Variants in MYCBP2 observed in about 807,000 individuals in gnomAD.
MYCBP2 encodes MYC binding protein 2.
In MYCBP2, 120 loss-of-function variants were observed where a neutral mutation model predicts 525.3. The observed-to-expected ratio is 0.23, with a 90% CI of 0.20 to 0.27. The LOEUF (loss-of-function observed/expected upper bound fraction) is 0.27. MYCBP2 is among the 10% of genes least tolerant of loss of function. MYCBP2 has a pLI of 1.00. For synonymous variants in MYCBP2, 1,894 were observed against 1,955.8 expected, an observed-to-expected ratio of 0.97 and a Z score of 0.83; for missense variants, 4,149 against 5,657.1, an observed-to-expected ratio of 0.73 and a Z score of 8.55.
chr13:77,179,136 C>T (rs1009250389), intron 34 of MYCBP2, among the ~76,000 whole-genome samples: 2 of 152,040 alleles, frequency 1.3e-5, no homozygotes, highest in Non-Finnish European at 2.9e-5. Flanking sequence ...TAAACTGTCA[C>T]AATTAATCAA....
chr13:77,083,322 A>C (rs2043625843), intron 62 of MYCBP2, 130 bp from the exon 63 acceptor site: 1 of 754,072 alleles, frequency 1.3e-6, no homozygotes, highest in Admixed American at 3.0e-5. Context: ...AATTGTACCC[A>C]GAAAGATACA....
Position 77,064,743 on chromosome 13 carries a change from C to T in MYCBP2, c.12553-9G>A. 6.2e-7 allele frequency: 1 copy of T among 1,612,722 alleles called. No homozygotes were observed. Among genetic ancestry groups the T allele is most frequent in the African/African-American group, 1.3e-5 (1 of 74,936 alleles). ...GCTTCTGACAGATGACCCTATTGAG[C>T]AGAACAGAGTATTTTAATAAGTGAC... On this transcript the variant is annotated splice_polypyrimidine_tract_variant and intron_variant, in intron 72 of 82. Transcript: ENST00000544440.
At position 77,260,577 on chromosome 13, in the gene MYCBP2, T is replaced by A. The variant is rs756777447; in HGVS notation, c.1868A>T (p.Gln623Leu). The part of the protein sequence containing the change: ...EDGESTKSRR[Q>L]SKPYKPKKII... ...CTTTTTAGGTTTATAAGGTTTGGAT[T>A]GCCGTCTGCTCTTAGCTTTAAAAAA... Residue 623 changes from glutamine (Q) to leucine (L), a missense_variant, in exon 13 of 83, where the codon CAA becomes CTA. Physicochemically the swap from Gln to Leu is moderately radical, Grantham distance 113. Around this residue, in one of 21 missense-constraint regions of MYCBP2, gnomAD observed 262 missense variants for 419.3 expected, o/e 0.62. Transcript: ENST00000544440. The A allele has an allele frequency of 2.5e-6, 4 of 1,605,758 alleles. No individual in the cohort carries two copies. Among genetic ancestry groups the A allele is most frequent in the Non-Finnish European group, 3.4e-6 (4 of 1,177,520 alleles).
intron 1 of MYCBP2, among the ~76,000 whole-genome samples, chr13:77,316,949 G>T (rs1354291007): frequency 9.1e-6 from 1 of 109,532 alleles, no homozygotes; most frequent in Non-Finnish European, 2.5e-5. Context: ...TTCTTTTTTT[G>T]TTGTTTTTTT....
At chr13:77,208,353 T>C (rs2063590067) in intron 23 of MYCBP2, among the ~76,000 whole-genome samples, 1 of 152,224 alleles carries the variant, frequency 6.6e-6, no homozygotes, top group Admixed American at 6.5e-5. Context: ...AATTCTACAT[T>C]TTAAAAGCTA....
chr13:77,108,430 A>G (rs1355476030), intron 55 of MYCBP2, among the ~76,000 whole-genome samples: 5 of 152,192 alleles, frequency 3.3e-5, no homozygotes, highest in African/African-American at 1.2e-4. Context: ...TATAAGAGAC[A>G]GGTATTGCTT....
intron 65 of MYCBP2, among the ~76,000 whole-genome samples, chr13:77,080,282 C>G (rs957030564): frequency 6.6e-6 from 1 of 152,146 alleles, no homozygotes; most frequent in African/African-American, 2.4e-5. Context: ...TCCAGGTTAT[C>G]TGAGACCCAA....
At chr13:77,121,269 T>G in intron 55 of MYCBP2, 104 bp downstream of exon 55, 1 of 1,068,494 alleles carries the variant, frequency 9.4e-7, no homozygotes, top group Non-Finnish European at 1.2e-6. Context: ...AAATTTTAAT[T>G]TAATAAAGAT....
intron 41 of MYCBP2, among the ~76,000 whole-genome samples, chr13:77,166,074 C>T (rs1373173957): frequency 2.0e-5 from 3 of 152,134 alleles, no homozygotes; most frequent in South Asian, 2.1e-4. Flanking sequence ...TACTCCTCAA[C>T]GTTAACACTC....
chr13:77,066,754 G>C (rs917505552), intron 71 of MYCBP2, among the ~76,000 whole-genome samples: 1 of 152,182 alleles, frequency 6.6e-6, no homozygotes, highest in Non-Finnish European at 1.5e-5. Context: ...TCATAATGTT[G>C]CCAAAGCATC....
intron 44 of MYCBP2, among the ~76,000 whole-genome samples, chr13:77,159,245 T>C (rs1012466493): frequency 2.0e-5 from 3 of 152,216 alleles, no homozygotes; most frequent in Middle Eastern, 3.2e-3. Flanking sequence ...TAATCTCTCT[T>C]ACACAGTTAA....
intron 80 of MYCBP2, among the ~76,000 whole-genome samples, chr13:77,054,881 G>A (rs943585596): frequency 6.6e-6 from 1 of 152,162 alleles, no homozygotes; most frequent in African/African-American, 2.4e-5. Flanking sequence ...GATTACAGGT[G>A]TGAGCCACTG....
intron 43 of MYCBP2, among the ~76,000 whole-genome samples, chr13:77,162,679 T>C (rs546530492): frequency 1.3e-5 from 2 of 152,252 alleles, no homozygotes; most frequent in African/African-American, 4.8e-5. Context: ...TCTTTTGAGA[T>C]GGAGTCTCAC....
chr13:77,139,439 A>T, intron 51 of MYCBP2, 103 bp from the exon 52 acceptor site: 1 of 1,264,282 alleles, frequency 7.9e-7, no homozygotes, highest in Non-Finnish European at 1.1e-6. Context: ...GTGCATGTGC[A>T]GATTAAGCAT....
intron 26 of MYCBP2, among the ~76,000 whole-genome samples, chr13:77,202,698 G>GA (rs1447108922): frequency 3.3e-5 from 5 of 152,002 alleles, no homozygotes; most frequent in Non-Finnish European, 7.4e-5. Context: ...TATCCACCAT[G>GA]ATCAAGTGGG....
chr13:77,143,751 G>T (rs1192579619), intron 49 of MYCBP2, among the ~76,000 whole-genome samples: 1 of 152,132 alleles, frequency 6.6e-6, no homozygotes, highest in Non-Finnish European at 1.5e-5. Flanking sequence ...AGCAAACCTA[G>T]ATGGTACAGA....
intron 69 of MYCBP2, among the ~76,000 whole-genome samples, chr13:77,069,896 T>G (rs1196228185): frequency 6.6e-6 from 1 of 151,922 alleles, no homozygotes; most frequent in Non-Finnish European, 1.5e-5. Flanking sequence ...AATAATAGGT[T>G]AATTTAAAAT....
Position 77,081,757 on chromosome 13 carries a change from G to C in MYCBP2, c.11193+80C>G. 1 of 1,536,190 alleles carries C rather than the reference G, an allele frequency of 6.5e-7. No individual in the cohort carries two copies. Among genetic ancestry groups the C allele is most frequent in the Non-Finnish European group, 8.8e-7 (1 of 1,137,810 alleles). On this transcript the variant is annotated intron_variant, in intron 64 of 82. Coordinates refer to ENST00000544440, the MANE Select transcript of MYCBP2 (RefSeq NM_015057.5). This position sits in a 1 kb window ranked among gnomAD's most constrained non-coding sequence, Gnocchi z 4.6. Reference sequence around the variant, plus strand: ...ACATAATGGAAGACAGGATCAAATTGATTATGAATAACTTACAGTTTCTCC... The same window carrying C: ...ACATAATGGAAGACAGGATCAAATTCATTATGAATAACTTACAGTTTCTCC...
chr13:77,197,783 T>G (rs2061912803), intron 26 of MYCBP2, among the ~76,000 whole-genome samples: 1 of 146,750 alleles, frequency 6.8e-6, no homozygotes, highest in African/African-American at 2.5e-5. Flanking sequence ...TACAGAGAGG[T>G]GAAGGGAAGG....
Sources: gnomAD v4.1 joint callset for allele counts (sites outside exome capture counted in the v4.1 genomes callset) on GRCh38, gnomAD v4.1.1 for gene constraint, gnomAD v4.1.1 regional missense constraint, Gnocchi (gnomAD v3.1) non-coding constraint, MANE v1.5 for transcripts, NCBI Gene and HGNC (gene_info 2026-07-23, HGNC 2026-07-21) for gene names.